Variants in AKR1C8 observed in about 807,000 individuals in gnomAD.
AKR1C8 encodes aldo-keto reductase family 1 member C-like protein 1.
chr10:5,119,247 C>A, the AKR1C8 span, among the ~76,000 whole-genome samples: 1 of 152,146 alleles, frequency 6.6e-6, no homozygotes, highest in Non-Finnish European at 1.5e-5. Context: ...AGAACTAACA[C>A]CATGCCAGAA....
the AKR1C8 span, chr10:5,155,469 A>G: frequency 3.5e-6 from 1 of 281,776 alleles, no homozygotes; most frequent in Non-Finnish European, 7.0e-6. Flanking sequence ...TGGTGCAGAC[A>G]TTGGCAGTTT....
the AKR1C8 span, chr10:5,159,827 A>C: frequency 8.4e-6 from 4 of 477,768 alleles, no homozygotes; most frequent in East Asian, 6.4e-5. Context: ...ATGATTAAGC[A>C]GGAAGTGTGT....
the AKR1C8 span, among the ~76,000 whole-genome samples, chr10:5,175,987 T>C: frequency 6.6e-6 from 1 of 152,228 alleles, no homozygotes; most frequent in African/African-American, 2.4e-5. Flanking sequence ...TTTAATTAGA[T>C]CCCATTTGTC....
At chr10:5,156,726 T>C in the AKR1C8 span, among the ~76,000 whole-genome samples, 1 of 152,200 alleles carries the variant, frequency 6.6e-6, no homozygotes, top group Non-Finnish European at 1.5e-5. Context: ...TTTGTTTAAG[T>C]TGTCACAATG....
At chr10:5,149,227 T>C in the AKR1C8 span, among the ~76,000 whole-genome samples, 2 of 152,104 alleles carry the variant, frequency 1.3e-5, no homozygotes, top group African/African-American at 4.8e-5. Flanking sequence ...AAGTGTAGAC[T>C]CTAATAACAG....
At chr10:5,126,430 T>G in the AKR1C8 span, among the ~76,000 whole-genome samples, 2 of 152,076 alleles carry the variant, frequency 1.3e-5, no homozygotes, top group Non-Finnish European at 2.9e-5. Flanking sequence ...AGTGCATAGC[T>G]TTCCTGTCAA....
the AKR1C8 span, among the ~76,000 whole-genome samples, chr10:5,152,411 C>T: frequency 6.6e-6 from 1 of 152,194 alleles, no homozygotes; most frequent in South Asian, 2.1e-4. Flanking sequence ...AGTAAATCAT[C>T]ACAGCAACTT....
At chr10:5,176,787 A>C in the AKR1C8 span, among the ~76,000 whole-genome samples, 3 of 152,028 alleles carry the variant, frequency 2.0e-5, no homozygotes, top group African/African-American at 7.2e-5. Context: ...TTTGTCTGTT[A>C]TTGGTGTATA....
the AKR1C8 span, among the ~76,000 whole-genome samples, chr10:5,163,298 G>T: frequency 2.0e-5 from 3 of 152,278 alleles, no homozygotes; most frequent in South Asian, 6.2e-4. Flanking sequence ...TAACATATTA[G>T]ACACACCTTA....
chr10:5,160,871 G>A, the AKR1C8 span: 1 of 470,964 alleles, frequency 2.1e-6, no homozygotes, highest in Non-Finnish European at 4.4e-6. Context: ...GCATCCTTTG[G>A]CAGTAATTCT....
chr10:5,183,834 A>T, the AKR1C8 span, among the ~76,000 whole-genome samples: 109 of 152,336 alleles, frequency 7.2e-4, 1 homozygote, highest in Non-Finnish European at 1.1e-3. Context: ...AACAAGGCCC[A>T]ACATCAAAAT....
At chr10:5,164,400 G>C in the AKR1C8 span, among the ~76,000 whole-genome samples, 1 of 151,778 alleles carries the variant, frequency 6.6e-6, no homozygotes, top group Non-Finnish European at 1.5e-5. Flanking sequence ...AATTTTCTTG[G>C]TGGTAAGTCA....
chr10:5,156,339 A>G, the AKR1C8 span, among the ~76,000 whole-genome samples: 1 of 152,202 alleles, frequency 6.6e-6, no homozygotes, highest in Non-Finnish European at 1.5e-5. Flanking sequence ...TGAGACACTT[A>G]GATCTTATGT....
the AKR1C8 span, among the ~76,000 whole-genome samples, chr10:5,178,635 C>T: frequency 1.3e-5 from 2 of 152,106 alleles, no homozygotes; most frequent in African/African-American, 4.8e-5. Context: ...GTAGGTCACT[C>T]AGGACTTGCT....
the AKR1C8 span, chr10:5,154,179 AG>A: frequency 2.1e-6 from 1 of 470,606 alleles, no homozygotes; most frequent in East Asian, 6.9e-5. Flanking sequence ...GGTGATTAGC[AG>A]CACTGAAAGA....
the AKR1C8 span, among the ~76,000 whole-genome samples, chr10:5,169,138 T>C: frequency 5.3e-5 from 8 of 152,178 alleles, no homozygotes; most frequent in African/African-American, 1.9e-4. Context: ...GAGCTGTCTT[T>C]TCTGTGTTTT....
the AKR1C8 span, among the ~76,000 whole-genome samples, chr10:5,126,182 A>G: frequency 6.6e-6 from 1 of 152,090 alleles, no homozygotes; most frequent in African/African-American, 2.4e-5. Context: ...TTGTCCATCA[A>G]TGCAGACATA....
chr10:5,128,939 A>C, the AKR1C8 span, among the ~76,000 whole-genome samples: 1 of 152,138 alleles, frequency 6.6e-6, no homozygotes, highest in Non-Finnish European at 1.5e-5. Context: ...ATTACTAAAC[A>C]GATGTTTACA....
At chr10:5,146,718 G>A in the AKR1C8 span, among the ~76,000 whole-genome samples, 1 of 152,088 alleles carries the variant, frequency 6.6e-6, no homozygotes, top group Non-Finnish European at 1.5e-5. Flanking sequence ...CTTTTGCCAT[G>A]CAAAAGCTCT....
Sources: gnomAD v4.1 joint callset for allele counts (sites outside exome capture counted in the v4.1 genomes callset) on GRCh38, gnomAD v4.1.1 for gene constraint, MANE v1.5 for transcripts, NCBI Gene and HGNC (gene_info 2026-07-23, HGNC 2026-07-21) for gene names.